KCNMA1: variants seen among roughly 807,000 people sequenced by gnomAD.
The protein encoded by KCNMA1 is Calcium-activated potassium channel subunit alpha-1.
KCNMA1 carries 29 observed loss-of-function variants against 140.0 expected under a neutral mutation model. The observed-to-expected ratio is 0.21, with a 90% CI of 0.15 to 0.28. KCNMA1 has a LOEUF of 0.28. KCNMA1 is among the 10% of genes least tolerant of loss of function. KCNMA1 has a pLI of 1.00. For missense variants in KCNMA1, 880 were observed against 1,602.2 expected (o/e 0.55, Z 7.70); for synonymous variants, 612 against 611.9 (o/e 1.00, Z 0.00).
chr10:77,288,799 A>G (rs1263209117), intron 2 of KCNMA1, among the ~76,000 whole-genome samples: 1 of 152,254 alleles, frequency 6.6e-6, no homozygotes, highest in Non-Finnish European at 1.5e-5. Flanking sequence ...TTGAAATAAA[A>G]GGCTACTGAT....
chr10:77,604,846 C>CAG (rs2083859518), intron 1 of KCNMA1, among the ~76,000 whole-genome samples: 1 of 152,192 alleles, frequency 6.6e-6, no homozygotes, highest in Non-Finnish European at 1.5e-5. Context: ...GTCTCAGGCT[C>CAG]ACCTGGAAAT....
chr10:77,276,434 C>T (rs565289800), intron 2 of KCNMA1, among the ~76,000 whole-genome samples: 6 of 152,230 alleles, frequency 3.9e-5, no homozygotes, highest in Non-Finnish European at 7.3e-5. Context: ...ACTCATTGAT[C>T]ACAGAGAGGG....
intron 5 of KCNMA1, among the ~76,000 whole-genome samples, chr10:77,158,442 C>G (rs558558472): frequency 6.6e-4 from 100 of 152,256 alleles, no homozygotes; most frequent in African/African-American, 2.3e-3. Context: ...ACAAGGAGGT[C>G]TCTGGACCTG....
At chr10:76,900,800 G>C (rs16933997) in intron 25 of KCNMA1, among the ~76,000 whole-genome samples, 12,071 of 151,798 alleles carry the variant, frequency 0.08, 566 homozygotes, top group South Asian at 0.15. Context: ...TAATGTATGA[G>C]ATGGCTCAGT....
rs189846804 is a variant in KCNMA1, at chr10:77,473,624, A to G, written c.379-69601T>C. The stretch of plus-strand genomic sequence containing the variant: ...ACAGGAGGCATTTAAGAAGAGGTGG[A>G]TGGTCTCTCAGTGGGACACTGGAGC... On this transcript the variant is annotated intron_variant, in intron 1 of 27. Coordinates refer to ENST00000286628, the MANE Select transcript of KCNMA1 (RefSeq NM_001161352.2). 3.3e-3 allele frequency among the ~76,000 whole-genome samples: 504 copies of G among 152,264 alleles called. 4 individuals are homozygous for G. The highest frequency in any genetic ancestry group is 0.011 in the African/African-American group (463 of 41,546).
intron 23 of KCNMA1, among the ~76,000 whole-genome samples, chr10:76,917,976 A>G (rs116241303): frequency 7.5e-4 from 114 of 152,338 alleles, no homozygotes; most frequent in African/African-American, 2.6e-3. Flanking sequence ...CTTTGATGCC[A>G]TAGGATGGTG....
chr10:77,063,893 G>T, intron 14 of KCNMA1: 5 of 985,394 alleles, frequency 5.1e-6, no homozygotes, highest in Non-Finnish European at 6.0e-6. Flanking sequence ...ACTGATGCTT[G>T]GCCAGAGGCT....
At chr10:77,626,091 C>T (rs895646662) in intron 1 of KCNMA1, among the ~76,000 whole-genome samples, 9 of 152,040 alleles carry the variant, frequency 5.9e-5, no homozygotes, top group Non-Finnish European at 7.4e-5. Context: ...TGCCCCTGCA[C>T]GGCCTACGTT....
chr10:77,418,183 T>A (rs967823820), intron 1 of KCNMA1, among the ~76,000 whole-genome samples: 1 of 152,132 alleles, frequency 6.6e-6, no homozygotes, highest in Admixed American at 6.5e-5. Context: ...TCTTTTTCCA[T>A]TGGATTCAGA....
chr10:77,420,731 GA>G (rs1387946299), intron 1 of KCNMA1, among the ~76,000 whole-genome samples: 1 of 152,276 alleles, frequency 6.6e-6, no homozygotes, highest in South Asian at 2.1e-4. Context: ...AACCAGGAAG[GA>G]AGGTTCTTTA....
intron 2 of KCNMA1, among the ~76,000 whole-genome samples, chr10:77,314,700 T>C (rs951074629): frequency 6.6e-6 from 1 of 152,104 alleles, no homozygotes; most frequent in Admixed American, 6.5e-5. Context: ...ATGGCTGAGG[T>C]GAACCCATGT....
intron 9 of KCNMA1, among the ~76,000 whole-genome samples, chr10:77,096,180 C>A (rs904296363): frequency 6.6e-6 from 1 of 152,168 alleles, no homozygotes; most frequent in South Asian, 2.1e-4. Context: ...CAGTTTCATG[C>A]CTTCTGATGA....
intron 17 of KCNMA1, among the ~76,000 whole-genome samples, chr10:77,015,997 G>T (rs2091957026): frequency 6.6e-6 from 1 of 152,068 alleles, no homozygotes; most frequent in Non-Finnish European, 1.5e-5. Context: ...CATCAGATCA[G>T]CTTAAAGCCA....
chr10:77,182,997 C>A (rs1383144964), intron 5 of KCNMA1, among the ~76,000 whole-genome samples: 1 of 152,176 alleles, frequency 6.6e-6, no homozygotes, highest in African/African-American at 2.4e-5. Context: ...ATAGACCATG[C>A]AGAACCCACT....
At chr10:77,327,561 G>A (rs2084674923) in intron 2 of KCNMA1, among the ~76,000 whole-genome samples, 1 of 152,020 alleles carries the variant, frequency 6.6e-6, no homozygotes, top group Non-Finnish European at 1.5e-5. Context: ...CACCATATTA[G>A]CCAGGCTGGT....
intron 19 of KCNMA1, among the ~76,000 whole-genome samples, chr10:76,995,125 G>T (rs1345093048): frequency 6.6e-6 from 1 of 152,170 alleles, no homozygotes; most frequent in Non-Finnish European, 1.5e-5. Context: ...CTGAATGCGG[G>T]CTGGGGGATT....
chr10:77,598,668 G>A (rs552838003), intron 1 of KCNMA1, among the ~76,000 whole-genome samples: 3 of 152,342 alleles, frequency 2.0e-5, no homozygotes, highest in Admixed American at 2.0e-4. Flanking sequence ...GAGCAGTGTG[G>A]AGGGGAGGGG....
At chr10:77,050,287 TA>T (rs1469786570) in intron 14 of KCNMA1, among the ~76,000 whole-genome samples, 1 of 142,954 alleles carries the variant, frequency 7.0e-6, no homozygotes, top group Admixed American at 6.9e-5. Flanking sequence ...AAAAAAAAAA[TA>T]AAAAAACAAA....
At chr10:77,300,793 C>T (rs556161750) in intron 2 of KCNMA1, among the ~76,000 whole-genome samples, 1 of 152,296 alleles carries the variant, frequency 6.6e-6, no homozygotes, top group East Asian at 1.9e-4. Context: ...CATCTCCTTT[C>T]TTCTCCAGCC....
Sources: allele counts gnomAD v4.1 joint callset (sites outside exome capture counted in the v4.1 genomes callset), GRCh38; gene constraint gnomAD v4.1.1; transcripts MANE v1.5; gene names NCBI Gene and HGNC (gene_info 2026-07-23, HGNC 2026-07-21).